KCND2: variants seen among roughly 807,000 people sequenced by gnomAD.
The protein encoded by KCND2 is A-type voltage-gated potassium channel KCND2.
Under a neutral mutation model 54.4 loss-of-function variants are expected in KCND2, and 16 were observed. The observed-to-expected ratio is 0.29, with a 90% CI of 0.20 to 0.45. KCND2 has a LOEUF of 0.45. Ranked by LOEUF, KCND2 falls within the 20% of genes least tolerant of loss-of-function variation. The pLI, the probability that KCND2 is intolerant of heterozygous loss-of-function variation, is 1.00. For synonymous variants in KCND2, 317 were observed against 310.7 expected, an observed-to-expected ratio of 1.02 and a Z score of -0.21; for missense variants, 486 against 824.2, an observed-to-expected ratio of 0.59 and a Z score of 5.02.
intron 1 of KCND2, among the ~76,000 whole-genome samples, chr7:120,310,278 A>T (rs1210752575): frequency 6.6e-6 from 1 of 152,250 alleles, no homozygotes; most frequent in Non-Finnish European, 1.5e-5. Context: ...AATTGCAAAA[A>T]TTATAGGATA....
At chr7:120,636,085 A>T (rs1302075376) in intron 1 of KCND2, among the ~76,000 whole-genome samples, 1 of 152,152 alleles carries the variant, frequency 6.6e-6, no homozygotes, top group Non-Finnish European at 1.5e-5. Flanking sequence ...CCTCCCTCTG[A>T]TTCCACAGCT....
intron 1 of KCND2, among the ~76,000 whole-genome samples, chr7:120,306,775 TA>T (rs770486871): frequency 3.3e-5 from 5 of 152,042 alleles, no homozygotes; most frequent in East Asian, 1.9e-4. Context: ...TACAATTGAA[TA>T]TTTTTTTTAA....
chr7:120,675,648 A>G (rs1253984228), intron 1 of KCND2, among the ~76,000 whole-genome samples: 2 of 152,128 alleles, frequency 1.3e-5, no homozygotes, highest in East Asian at 1.9e-4. Context: ...GCTATAATAC[A>G]TACCTATTTC....
intron 1 of KCND2, among the ~76,000 whole-genome samples, chr7:120,617,426 C>T (rs141358717): frequency 9.4e-4 from 143 of 152,240 alleles, no homozygotes; most frequent in Middle Eastern, 6.8e-3. Flanking sequence ...AAATGCAAAT[C>T]AAAACCACAG....
intron 4 of KCND2, among the ~76,000 whole-genome samples, chr7:120,744,364 C>T (rs1170432306): frequency 6.6e-6 from 1 of 151,856 alleles, no homozygotes; most frequent in Non-Finnish European, 1.5e-5. Context: ...TCACTAACAC[C>T]AACTAATATA....
In KCND2 at chr7:120,275,017, A is replaced by C; in HGVS notation, c.385A>C (p.Ile129Leu). ...LAFFGLIPEI[I>L]GDCCYEEYKD... Reference sequence around the variant, plus strand: ...CTTCTTTGGCCTCATCCCGGAAATCATCGGCGACTGCTGTTATGAGGAGTA... The same window carrying C: ...CTTCTTTGGCCTCATCCCGGAAATCCTCGGCGACTGCTGTTATGAGGAGTA... Residue 129 changes from isoleucine (I) to leucine (L), a missense_variant, in exon 1 of 6, where the codon ATC becomes CTC. Around this residue, in one of 7 missense-constraint regions of KCND2, gnomAD observed 231 missense variants for 386.0 expected, o/e 0.60. Coordinates refer to ENST00000331113, the MANE Select transcript of KCND2 (RefSeq NM_012281.3). The C allele has an allele frequency of 1.2e-6, 2 of 1,614,066 alleles. No homozygotes were observed. The highest frequency in any genetic ancestry group is 1.7e-6 in the Non-Finnish European group (2 of 1,180,026).
At chr7:120,685,169 C>A (rs1463901569) in intron 1 of KCND2, among the ~76,000 whole-genome samples, 2 of 152,100 alleles carry the variant, frequency 1.3e-5, no homozygotes, top group African/African-American at 4.8e-5. Flanking sequence ...GAAGTAGCAA[C>A]ATAGATGAGT....
At chr7:120,616,650 T>C (rs113692296) in intron 1 of KCND2, among the ~76,000 whole-genome samples, 2 of 152,186 alleles carry the variant, frequency 1.3e-5, no homozygotes, top group Non-Finnish European at 2.9e-5. Context: ...TAAAAGAGTA[T>C]ACAATATAGA....
intron 1 of KCND2, among the ~76,000 whole-genome samples, chr7:120,582,954 A>ATG (rs10631536): frequency 0.66 from 97,234 of 147,372 alleles, 34,007 homozygotes; most frequent in Middle Eastern, 0.85. Flanking sequence ...GTGTGTGTGT[A>ATG]TGTGTGTGTG....
intron 1 of KCND2, among the ~76,000 whole-genome samples, chr7:120,437,375 G>A (rs1028049496): frequency 2.6e-5 from 4 of 151,292 alleles, no homozygotes; most frequent in African/African-American, 9.7e-5. Context: ...GATAATTTTT[G>A]TATTTTTAGT....
At chr7:120,459,505 T>C (rs569860012) in intron 1 of KCND2, among the ~76,000 whole-genome samples, 1 of 152,310 alleles carries the variant, frequency 6.6e-6, no homozygotes, top group African/African-American at 2.4e-5. Flanking sequence ...TATCACTTTC[T>C]AGTCTTTTAT....
intron 1 of KCND2, among the ~76,000 whole-genome samples, chr7:120,536,480 A>G (rs1791908644): frequency 6.6e-6 from 1 of 152,124 alleles, no homozygotes; most frequent in Non-Finnish European, 1.5e-5. Context: ...ATGTTGTTTG[A>G]TAGTATTTTA....
chr7:120,490,424 A>G (rs1802763393), intron 1 of KCND2, among the ~76,000 whole-genome samples: 2 of 152,178 alleles, frequency 1.3e-5, no homozygotes, highest in Admixed American at 6.6e-5. Flanking sequence ...TGATAAGCAT[A>G]TCACAGTTTT....
chr7:120,336,719 G>GA (rs199618441), intron 1 of KCND2, among the ~76,000 whole-genome samples: 1,616 of 150,858 alleles, frequency 0.011, 13 homozygotes, highest in Middle Eastern at 0.024. Flanking sequence ...AAAGAGATGA[G>GA]AAAAAAAAAT....
chr7:120,697,616 G>A (rs1394978176), intron 1 of KCND2, among the ~76,000 whole-genome samples: 1 of 152,150 alleles, frequency 6.6e-6, no homozygotes, highest in Non-Finnish European at 1.5e-5. Context: ...GATATAAAAT[G>A]CAAAAATGTA....
chr7:120,606,363 A>G (rs1332265784), intron 1 of KCND2, among the ~76,000 whole-genome samples: 2 of 152,244 alleles, frequency 1.3e-5, no homozygotes, highest in African/African-American at 4.8e-5. Context: ...CCTTTGAAGG[A>G]CAATACTTTT....
chr7:120,664,699 C>T (rs918652299), intron 1 of KCND2, among the ~76,000 whole-genome samples: 1 of 151,986 alleles, frequency 6.6e-6, no homozygotes, highest in Non-Finnish European at 1.5e-5. Context: ...GGCGAGAAAA[C>T]AGAATTTATG....
chr7:120,579,752 A>T (rs747431971), intron 1 of KCND2, among the ~76,000 whole-genome samples: 1 of 152,062 alleles, frequency 6.6e-6, no homozygotes. Flanking sequence ...AGGACCTTGG[A>T]ATCAAGATCC....
intron 1 of KCND2, among the ~76,000 whole-genome samples, chr7:120,577,450 C>T (rs1475605928): frequency 1.3e-5 from 2 of 152,160 alleles, no homozygotes; most frequent in African/African-American, 2.4e-5. Context: ...GGGACTTTCT[C>T]ATACCTCCAA....
Sources: allele counts gnomAD v4.1 joint callset (sites outside exome capture counted in the v4.1 genomes callset), GRCh38; gene constraint gnomAD v4.1.1; regional missense constraint gnomAD v4.1.1; transcripts MANE v1.5; gene names NCBI Gene and HGNC (gene_info 2026-07-23, HGNC 2026-07-21).